SLC8A3: variants seen among roughly 807,000 people sequenced by gnomAD.
SLC8A3 encodes solute carrier family 8 member A3, also known as sodium/calcium exchanger 3.
A neutral mutation model predicts 65.4 loss-of-function variants in SLC8A3; 37 were observed. The observed-to-expected ratio is 0.57, with a 90% confidence interval of 0.44 to 0.74. The LOEUF (loss-of-function observed/expected upper bound fraction) is 0.74, where lower values mean the gene tolerates loss of function less well. Ranked by LOEUF, SLC8A3 falls within the 30% of genes least tolerant of loss-of-function variation. The pLI is 0.00. For missense variants in SLC8A3, 1,112 were observed against 1,172.1 expected (o/e 0.95, Z 0.75); for synonymous variants, 461 against 444.5 (o/e 1.04, Z -0.47).
At chr14:70,143,612 A>G (rs1277493764) in intron 2 of SLC8A3, among the ~76,000 whole-genome samples, 1 of 152,160 alleles carries the variant, frequency 6.6e-6, no homozygotes, top group Admixed American at 6.5e-5. Context: ...TCCAGGCATC[A>G]GTACTTTTCA....
intron 2 of SLC8A3, among the ~76,000 whole-genome samples, chr14:70,094,176 C>A (rs548715785): frequency 2.6e-5 from 4 of 152,316 alleles, no homozygotes; most frequent in Middle Eastern, 3.4e-3. Context: ...GGCCTCCCCA[C>A]CAATGGGAGG....
intron 2 of SLC8A3, among the ~76,000 whole-genome samples, chr14:70,079,747 A>G (rs373875061): frequency 1.6e-4 from 24 of 152,202 alleles, no homozygotes; most frequent in African/African-American, 5.3e-4. Context: ...TAGAAGCCTT[A>G]TATTTGGCCC....
At chr14:70,127,908 C>T (rs1330750031) in intron 2 of SLC8A3, among the ~76,000 whole-genome samples, 1 of 152,164 alleles carries the variant, frequency 6.6e-6, no homozygotes, top group African/African-American at 2.4e-5. Context: ...ATATCACCTC[C>T]ATTCTGTTTA....
intron 2 of SLC8A3, among the ~76,000 whole-genome samples, chr14:70,074,713 A>G (rs912005310): frequency 3.9e-5 from 6 of 152,360 alleles, no homozygotes; most frequent in Admixed American, 3.3e-4. Context: ...TGCAACATTT[A>G]AGGGTACACC....
At chr14:70,050,536 G>C (rs1887371486) in intron 5 of SLC8A3, among the ~76,000 whole-genome samples, 2 of 152,116 alleles carry the variant, frequency 1.3e-5, no homozygotes, top group African/African-American at 4.8e-5. Context: ...GGAGGGGTAT[G>C]GAATCATCCA....
rs142209071 is a variant in SLC8A3, at chr14:70,049,302, G to T, written c.2114-260C>A. Among the ~76,000 whole-genome samples the T allele has an allele frequency of 1.8e-4, 28 of 152,324 alleles. No homozygotes were observed. In the East Asian group the frequency reaches 5.4e-3, roughly 29 times the overall value. The stretch of plus-strand genomic sequence containing the variant: ...GCCAGGGAATAAGGAAGAGAAGAAA[G>T]AAGGAGATTAAGAGGGACAAGACAG... On this transcript the variant is annotated intron_variant, in intron 5 of 6. Transcript: ENST00000356921.
chr14:70,179,451 G>T (rs1234917470), intron 1 of SLC8A3, among the ~76,000 whole-genome samples: 3 of 152,206 alleles, frequency 2.0e-5, no homozygotes, highest in Non-Finnish European at 4.4e-5. Flanking sequence ...TTGCTGAGTG[G>T]ATGCAAAATG....
rs1266074067 is a variant in SLC8A3 at position 70,144,917 on chromosome 14, T to G, written c.1784+21722A>C. On this transcript the variant is annotated intron_variant, in intron 2 of 6. Coordinates refer to ENST00000356921, the MANE Select transcript of SLC8A3 (RefSeq NM_182932.3). ...AGTATCATTTTATTGGCTCACTTGT[T>G]TGATGTCTCCTGACACACTGTAAGC... 2.0e-5 allele frequency among the ~76,000 whole-genome samples: 3 copies of G among 152,214 alleles called. No homozygotes were observed. The East Asian group carries it at 5.8e-4, about 29-fold the overall frequency.
intron 2 of SLC8A3, among the ~76,000 whole-genome samples, chr14:70,089,489 TG>T (rs1343121212): frequency 6.6e-6 from 1 of 152,160 alleles, no homozygotes; most frequent in Non-Finnish European, 1.5e-5. Context: ...GGTTTGCTAC[TG>T]GGTGAAAGAG....
intron 2 of SLC8A3, among the ~76,000 whole-genome samples, chr14:70,148,767 C>CA (rs1368269576): frequency 2.0e-5 from 3 of 152,192 alleles, no homozygotes; most frequent in Admixed American, 6.5e-5. Flanking sequence ...AAAGCTTAGC[C>CA]AGTGGTTAGG....
intron 2 of SLC8A3, among the ~76,000 whole-genome samples, chr14:70,107,657 C>T (rs1047176502): frequency 4.6e-5 from 7 of 152,104 alleles, no homozygotes; most frequent in Non-Finnish European, 1.0e-4. Flanking sequence ...ATATAAGCTG[C>T]TTTCTACAAT....
chr14:70,120,724 T>C (rs1420466228), intron 2 of SLC8A3, among the ~76,000 whole-genome samples: 1 of 152,238 alleles, frequency 6.6e-6, no homozygotes, highest in Non-Finnish European at 1.5e-5. Context: ...CTTCCTTATC[T>C]GTAAAATGAG....
At chr14:70,123,472 G>A (rs1223580035) in intron 2 of SLC8A3, among the ~76,000 whole-genome samples, 2 of 144,954 alleles carry the variant, frequency 1.4e-5, no homozygotes, top group Non-Finnish European at 3.0e-5. Flanking sequence ...TTTCTGAGAT[G>A]GAGTTTCACT....
chr14:70,173,539 C>T (rs1302884607), intron 1 of SLC8A3, among the ~76,000 whole-genome samples: 2 of 152,172 alleles, frequency 1.3e-5, no homozygotes, highest in African/African-American at 2.4e-5. Context: ...TAAAACAGTG[C>T]CACCAGGACA....
intron 3 of SLC8A3, chr14:70,060,244 C>T (rs369466114): frequency 1.1e-5 from 2 of 182,042 alleles, no homozygotes; most frequent in Admixed American, 5.6e-5. Flanking sequence ...ACCTGCCAAG[C>T]GTTCAAAGGA....
intron 2 of SLC8A3, among the ~76,000 whole-genome samples, chr14:70,114,518 C>T (rs1893529545): frequency 6.6e-6 from 1 of 152,122 alleles, no homozygotes; most frequent in South Asian, 2.1e-4. Context: ...CAATTTCTGC[C>T]CTGAAAATTC....
chr14:70,142,490 G>A (rs1895644438), intron 2 of SLC8A3, among the ~76,000 whole-genome samples: 1 of 152,224 alleles, frequency 6.6e-6, no homozygotes, highest in African/African-American at 2.4e-5. Context: ...GCTAGAAGGA[G>A]TGTAAGACTG....
intron 2 of SLC8A3, among the ~76,000 whole-genome samples, chr14:70,159,432 A>G (rs976471508): frequency 6.6e-6 from 1 of 151,834 alleles, no homozygotes; most frequent in South Asian, 2.1e-4. Context: ...AAACAAAAAA[A>G]ACCCAAACAC....
chr14:70,103,583 T>C (rs1325476772), intron 2 of SLC8A3, among the ~76,000 whole-genome samples: 1 of 152,072 alleles, frequency 6.6e-6, no homozygotes, highest in Non-Finnish European at 1.5e-5. Flanking sequence ...ACAATATGAT[T>C]TCTAAATTGT....
Sources: gnomAD v4.1 joint callset for allele counts (sites outside exome capture counted in the v4.1 genomes callset) on GRCh38, gnomAD v4.1.1 for gene constraint, MANE v1.5 for transcripts, NCBI Gene and HGNC (gene_info 2026-07-23, HGNC 2026-07-21) for gene names.